The following NRXN3 variants were observed in gnomAD, a reference collection of about 807,000 sequenced individuals.
The protein encoded by NRXN3 is neurexin III.
Under a neutral mutation model 137.6 loss-of-function variants are expected in NRXN3, and 32 were observed. The ratio of observed to expected loss-of-function variants is 0.23; its 90% confidence interval spans 0.18 to 0.31. The LOEUF (loss-of-function observed/expected upper bound fraction) is 0.31, where lower values mean the gene tolerates loss of function less well. NRXN3 is among the 10% of genes least tolerant of loss of function. The pLI is 1.00. For synonymous variants in NRXN3, 798 were observed against 784.5 expected (o/e 1.02, Z -0.29); for missense variants, 1,574 against 2,062.5 (o/e 0.76, Z 4.59).
At chr14:79,676,985 G>GT (rs1312336860) in intron 17 of NRXN3, among the ~76,000 whole-genome samples, 1 of 152,008 alleles carries the variant, frequency 6.6e-6, no homozygotes, top group Admixed American at 6.6e-5. Flanking sequence ...TACAACTGAG[G>GT]TTTTTGGAGC....
At chr14:79,026,010 A>T (rs910181311) in intron 15 of NRXN3, among the ~76,000 whole-genome samples, 1 of 152,088 alleles carries the variant, frequency 6.6e-6, no homozygotes, top group Non-Finnish European at 1.5e-5. Context: ...GGTATGTCTC[A>T]TCGGTCAGCA....
At chr14:79,121,686 C>T (rs1430690350) in intron 15 of NRXN3, among the ~76,000 whole-genome samples, 1 of 152,204 alleles carries the variant, frequency 6.6e-6, no homozygotes, top group African/African-American at 2.4e-5. Context: ...ACAGACTTCA[C>T]AAGAACTCAT....
rs576416867 is a variant in NRXN3, at chr14:79,253,182, G to T, written c.3263-214039G>T. Among the ~76,000 whole-genome samples, 21 of 152,260 alleles carry T rather than the reference G, an allele frequency of 1.4e-4. No individual in the cohort carries two copies. The Middle Eastern group carries it at 0.01, about 74-fold the overall frequency. ...GTGTGTTTTGGGGAAGAGATTGTTT[G>T]CAAAAGAAAGAATCCTGTCACTTGT... On this transcript the variant is annotated intron_variant, in intron 15 of 20. Transcript: ENST00000335750.
chr14:78,669,038 T>A (rs892902468), intron 6 of NRXN3, among the ~76,000 whole-genome samples: 2 of 152,040 alleles, frequency 1.3e-5, no homozygotes, highest in African/African-American at 4.8e-5. Context: ...AGGTTTACAA[T>A]GAAGCCCCAG....
At chr14:78,808,460 T>G (rs1022772230) in intron 9 of NRXN3, among the ~76,000 whole-genome samples, 3 of 152,182 alleles carry the variant, frequency 2.0e-5, no homozygotes, top group Non-Finnish European at 4.4e-5. Context: ...TTCCTCTCTC[T>G]CTTTAATATG....
chr14:79,193,544 C>A (rs1430843529), intron 15 of NRXN3, among the ~76,000 whole-genome samples: 2 of 152,174 alleles, frequency 1.3e-5, no homozygotes, highest in East Asian at 1.9e-4. Context: ...TTTAATTTTG[C>A]AAACCTTAAC....
chr14:78,949,481 G>T (rs2099382336), intron 10 of NRXN3, among the ~76,000 whole-genome samples: 1 of 150,798 alleles, frequency 6.6e-6, no homozygotes, highest in Non-Finnish European at 1.5e-5. Flanking sequence ...TTATTTATTT[G>T]CTCACTAGTT....
intron 15 of NRXN3, among the ~76,000 whole-genome samples, chr14:79,380,906 G>A (rs1227149127): frequency 6.6e-6 from 1 of 152,116 alleles, no homozygotes; most frequent in Non-Finnish European, 1.5e-5. Flanking sequence ...TGCAGGTCAT[G>A]CTAAGTATGT....
Position 79,866,014 on chromosome 14 carries a change from A to G in NRXN3, c.*4050A>G, listed in dbSNP as rs1426969000. The G allele has an allele frequency of 2.0e-5, 3 of 152,204 alleles. No individual in the cohort carries two copies. The highest frequency in any genetic ancestry group is 7.2e-5 in the African/African-American group (3 of 41,456). 9.4% of individuals were successfully genotyped at this position (152,204 alleles called of 1,614,324 possible). A position where few individuals can be genotyped will look rare whatever the true frequency, so the allele number is the denominator to read the frequency against. ...TTTTTCTTTAATTCAAGAAACATTT[A>G]TTGAACACTTATGTACAAGCTAGTC... On this transcript the variant is annotated 3_prime_UTR_variant, in exon 21 of 21. Coordinates refer to ENST00000335750, the MANE Select transcript of NRXN3 (RefSeq NM_001330195.2).
chr14:78,507,428 T>C (rs940948061), intron 4 of NRXN3, among the ~76,000 whole-genome samples: 1 of 152,164 alleles, frequency 6.6e-6, no homozygotes, highest in African/African-American at 2.4e-5. Flanking sequence ...CTACAGATGG[T>C]CACTGCCCCG....
rs2085940028 is a variant in NRXN3, at chr14:78,366,346, G to T, written c.757+68486G>T. 2.6e-5 allele frequency among the ~76,000 whole-genome samples: 4 copies of T among 152,236 alleles called. 1 individual carries two copies. In the South Asian group the frequency reaches 8.3e-4, roughly 32 times the overall value. ...TCTGTCTCTTTTGGCCGCCCAGATG[G>T]TTATCAGGTCATTATTGTGCTTGAT... On this transcript the variant is annotated intron_variant, in intron 4 of 20. Transcript: ENST00000335750.
chr14:78,844,594 A>G (rs921257282), intron 10 of NRXN3, among the ~76,000 whole-genome samples: 6 of 152,124 alleles, frequency 3.9e-5, no homozygotes, highest in Admixed American at 1.3e-4. Context: ...AAATATATGT[A>G]TTTATATATA....
At chr14:79,348,378 C>CTCTCTTTTTT (rs535595782) in intron 15 of NRXN3, among the ~76,000 whole-genome samples, 6 of 135,974 alleles carry the variant, frequency 4.4e-5, no homozygotes, top group African/African-American at 1.5e-4. Context: ...AATCTTCTCT[C>CTCTCTTTTTT]TTTTTTTTTT....
chr14:79,679,088 G>T (rs2098655865), intron 17 of NRXN3, among the ~76,000 whole-genome samples: 1 of 149,384 alleles, frequency 6.7e-6, no homozygotes, highest in African/African-American at 2.5e-5. Context: ...TATTATTAGG[G>T]TTGTCAGTTG....
intron 15 of NRXN3, among the ~76,000 whole-genome samples, chr14:79,102,957 A>G (rs1363775017): frequency 6.6e-6 from 1 of 152,222 alleles, no homozygotes; most frequent in African/African-American, 2.4e-5. Context: ...TATTTTTAAT[A>G]CATTGTCTTG....
chr14:79,360,320 G>A (rs2093638902), intron 15 of NRXN3, among the ~76,000 whole-genome samples: 1 of 152,198 alleles, frequency 6.6e-6, no homozygotes, highest in Non-Finnish European at 1.5e-5. Flanking sequence ...GTTAGTAGTG[G>A]TCTTGAACTC....
intron 9 of NRXN3, among the ~76,000 whole-genome samples, chr14:78,805,651 A>G (rs2098860903): frequency 6.6e-6 from 1 of 152,142 alleles, no homozygotes; most frequent in Non-Finnish European, 1.5e-5. Flanking sequence ...GCTCACTGAA[A>G]AAGATGATGA....
intron 15 of NRXN3, among the ~76,000 whole-genome samples, chr14:79,417,230 A>G (rs1039168140): frequency 3.9e-5 from 6 of 152,178 alleles, no homozygotes; most frequent in Non-Finnish European, 8.8e-5. Flanking sequence ...ATAAGGACTA[A>G]GTTATCAGGA....
intron 4 of NRXN3, among the ~76,000 whole-genome samples, chr14:78,630,569 C>A (rs1480200993): frequency 6.6e-6 from 1 of 151,310 alleles, no homozygotes; most frequent in Non-Finnish European, 1.5e-5. Flanking sequence ...AAATGTACTA[C>A]ACTCTTCTTA....
Sources: allele counts gnomAD v4.1 joint callset (sites outside exome capture counted in the v4.1 genomes callset), GRCh38; gene constraint gnomAD v4.1.1; transcripts MANE v1.5; gene names NCBI Gene and HGNC (gene_info 2026-07-23, HGNC 2026-07-21).